Variants in ANO10 observed in about 807,000 individuals in gnomAD.
The protein encoded by ANO10 is anoctamin 10.
A neutral mutation model predicts 74.7 loss-of-function variants in ANO10; 77 were observed. The ratio of observed to expected loss-of-function variants is 1.03; its 90% CI spans 0.86 to 1.25. The LOEUF (loss-of-function observed/expected upper bound fraction) is 1.25, where lower values mean the gene tolerates loss of function less well. Among genes scored for constraint, ANO10 ranks in the 50% most tolerant of loss-of-function variants. ANO10 has a pLI of 0.00. For synonymous variants in ANO10, 279 were observed against 284.9 expected, an observed-to-expected ratio of 0.98 and a Z score of 0.21; for missense variants, 721 against 778.1, an observed-to-expected ratio of 0.93 and a Z score of 0.87.
intron 11 of ANO10, among the ~76,000 whole-genome samples, chr3:43,507,493 T>C (rs1270315495): frequency 1.3e-5 from 2 of 152,094 alleles, no homozygotes; most frequent in African/African-American, 4.8e-5. Context: ...CTGGTGCTGC[T>C]GGTCCCTGGA....
chr3:43,374,346 C>A (rs571996087), intron 12 of ANO10, among the ~76,000 whole-genome samples: 1 of 152,190 alleles, frequency 6.6e-6, no homozygotes, highest in African/African-American at 2.4e-5. Flanking sequence ...AGGCACTGTT[C>A]TAAACACTAT....
At chr3:43,481,076 T>C (rs2149085641) in intron 11 of ANO10, among the ~76,000 whole-genome samples, 1 of 150,558 alleles carries the variant, frequency 6.6e-6, no homozygotes, top group South Asian at 2.1e-4. Context: ...AGATGGAACA[T>C]AAAAACATTC....
intron 12 of ANO10, among the ~76,000 whole-genome samples, chr3:43,400,456 C>T (rs1485410769): frequency 1.3e-5 from 2 of 151,952 alleles, no homozygotes; most frequent in Non-Finnish European, 2.9e-5. Context: ...TCTCATTCCC[C>T]AACTGTGAAA....
intron 1 of ANO10, among the ~76,000 whole-genome samples, chr3:43,678,342 C>T (rs1218321012): frequency 6.6e-6 from 1 of 152,114 alleles, no homozygotes; most frequent in Non-Finnish European, 1.5e-5. Context: ...TTGTCTTATC[C>T]CCACTTTCTG....
intron 4 of ANO10, among the ~76,000 whole-genome samples, chr3:43,585,620 C>A (rs2081445330): frequency 1.3e-5 from 2 of 152,300 alleles, no homozygotes; most frequent in African/African-American, 2.4e-5. Flanking sequence ...AGAGAATGTA[C>A]CTGTGCAGAA....
At chr3:43,658,853 C>T (rs2083887549) in intron 1 of ANO10, among the ~76,000 whole-genome samples, 1 of 152,068 alleles carries the variant, frequency 6.6e-6, no homozygotes, top group African/African-American at 2.4e-5. Flanking sequence ...GAGTAGTTAA[C>T]TTTAGAGAGG....
chr3:43,463,063 C>G (rs1242655447), intron 11 of ANO10, among the ~76,000 whole-genome samples: 5 of 152,314 alleles, frequency 3.3e-5, no homozygotes, highest in African/African-American at 1.2e-4. Context: ...CATGGAGAAC[C>G]TTTGCTAGGG....
chr3:43,561,975 A>G (rs1290525797), intron 8 of ANO10, among the ~76,000 whole-genome samples: 1 of 152,240 alleles, frequency 6.6e-6, no homozygotes, highest in East Asian at 1.9e-4. Flanking sequence ...TCTTTTTTAA[A>G]GAATTTAAAT....
chr3:43,567,563 A>T (rs1015472688), intron 7 of ANO10, among the ~76,000 whole-genome samples: 64 of 152,088 alleles, frequency 4.2e-4, no homozygotes, highest in Non-Finnish European at 8.7e-4. Flanking sequence ...TCAACCCAGA[A>T]TTTCATATCC....
At chr3:43,369,464 C>T (rs1294269222) in intron 12 of ANO10, among the ~76,000 whole-genome samples, 1 of 152,258 alleles carries the variant, frequency 6.6e-6, no homozygotes, top group African/African-American at 2.4e-5. Context: ...TTTCCTTCAC[C>T]TGTCCTGGAG....
chr3:43,448,023 AG>A (rs2093274076), intron 11 of ANO10, among the ~76,000 whole-genome samples: 1 of 152,176 alleles, frequency 6.6e-6, no homozygotes, highest in Admixed American at 6.5e-5. Context: ...GGTTTAGACA[AG>A]GTCATAAGGA....
chr3:43,474,849 G>T (rs2149068095), intron 11 of ANO10, among the ~76,000 whole-genome samples: 1 of 152,252 alleles, frequency 6.6e-6, no homozygotes, highest in African/African-American at 2.4e-5. Context: ...GTCAAGAGGG[G>T]AGTTTGAAGC....
At chr3:43,490,758 T>C (rs573596836) in intron 11 of ANO10, among the ~76,000 whole-genome samples, 9 of 152,318 alleles carry the variant, frequency 5.9e-5, no homozygotes, top group Admixed American at 3.9e-4. Flanking sequence ...AGTAGGTAGT[T>C]AGTCAGGCAT....
chr3:43,443,594 A>T (rs1271283881), intron 11 of ANO10, among the ~76,000 whole-genome samples: 1 of 152,108 alleles, frequency 6.6e-6, no homozygotes, highest in Admixed American at 6.5e-5. Flanking sequence ...CAGGGAAAAA[A>T]GGGAATATGT....
Position 43,401,440 on chromosome 3 carries a change from G to A in ANO10, c.1914+31171C>T, listed in dbSNP as rs375023293. 2.6e-4 allele frequency among the ~76,000 whole-genome samples: 39 copies of A among 151,738 alleles called. No individual in the cohort carries two copies. In the East Asian group the frequency reaches 4.2e-3, roughly 17 times the overall value. On this transcript the variant is annotated intron_variant, in intron 12 of 12. Coordinates refer to ENST00000292246, the MANE Select transcript of ANO10 (RefSeq NM_018075.5). ...AAACGCCATAAAAATATGCTACAGA[G>A]ACACTTCAAGAATAGATTCTTTGTT...
chr3:43,555,455 A>G lies in ANO10; in HGVS notation c.1491T>C (p.Asp497=). ...CAAACTGCAGGAATAACTCCAAGTA[A>G]TCATCAAAGGTGCCCTGAAAATATA... is the stretch of plus-strand genomic sequence containing the variant. ...EMGTYLGTFD[D]YLELFLQFGY... is the part of the protein sequence containing the mutation. Residue 497 remains aspartate, a synonymous_variant, in exon 10 of 13, where the codon GAT becomes GAC. Coordinates refer to ENST00000292246, the MANE Select transcript of ANO10 (RefSeq NM_018075.5). 1 of 1,614,174 alleles carries G rather than the reference A, an allele frequency of 6.2e-7. No homozygotes were observed. Among genetic ancestry groups the G allele is most frequent in the Non-Finnish European group, 8.5e-7 (1 of 1,180,020 alleles).
intron 7 of ANO10, among the ~76,000 whole-genome samples, chr3:43,568,467 G>T (rs2080499406): frequency 6.6e-6 from 1 of 151,628 alleles, no homozygotes; most frequent in Non-Finnish European, 1.5e-5. Context: ...TAAAAGAACA[G>T]AAATTATAAC....
At chr3:43,565,765 A>T in intron 7 of ANO10, 38 bp from the exon 8 acceptor site, 1 of 1,537,288 alleles carries the variant, frequency 6.5e-7, no homozygotes, top group Non-Finnish European at 8.8e-7. Flanking sequence ...AGTGTTAAGC[A>T]CTGCTTTAGA....
At chr3:43,571,068 A>G (rs2080683055) in intron 7 of ANO10, among the ~76,000 whole-genome samples, 1 of 151,784 alleles carries the variant, frequency 6.6e-6, no homozygotes, top group South Asian at 2.1e-4. Context: ...TACGCAGCCA[A>G]AAAACACATG....
Sources: gnomAD v4.1 joint callset for allele counts (sites outside exome capture counted in the v4.1 genomes callset) on GRCh38, gnomAD v4.1.1 for gene constraint, MANE v1.5 for transcripts, NCBI Gene and HGNC (gene_info 2026-07-23, HGNC 2026-07-21) for gene names.